The following HDAC4 variants were observed in gnomAD, a reference collection of about 807,000 sequenced individuals.
The protein encoded by HDAC4 is histone deacetylase 4, also known as histone deacetylase A.
Under a neutral mutation model 135.1 loss-of-function variants are expected in HDAC4, and 16 were observed. The ratio of observed to expected loss-of-function variants is 0.12; its 90% confidence interval spans 0.08 to 0.18. The LOEUF is 0.18. Ranked by LOEUF, HDAC4 falls within the 10% of genes least tolerant of loss-of-function variation. The pLI, the probability that HDAC4 is intolerant of heterozygous loss-of-function variation, is 1.00. For missense variants in HDAC4, 1,143 were observed against 1,511.8 expected (o/e 0.76, Z 4.05); for synonymous variants, 685 against 653.4 (o/e 1.05, Z -0.74).
At chr2:239,218,216 AGGACTGAAC>A (rs2046751777) in intron 3 of HDAC4, among the ~76,000 whole-genome samples, 2 of 152,238 alleles carry the variant, frequency 1.3e-5, no homozygotes, top group Non-Finnish European at 2.9e-5. Flanking sequence ...GATAAAAAAC[AGGACTGAAC>A]AATCATTATA....
chr2:239,293,418 G>A (rs929692719), intron 2 of HDAC4, among the ~76,000 whole-genome samples: 2 of 152,142 alleles, frequency 1.3e-5, no homozygotes, highest in Admixed American at 6.5e-5. Flanking sequence ...AACCCTATTT[G>A]AGAAGGGCCC....
At chr2:239,301,523 C>T (rs1183500434) in intron 2 of HDAC4, among the ~76,000 whole-genome samples, 1 of 151,494 alleles carries the variant, frequency 6.6e-6, no homozygotes, top group African/African-American at 2.4e-5. Context: ...CCCTCTGTCA[C>T]CCAGGCTGGA....
chr2:239,053,634 G>A, intron 25 of HDAC4, 33 bp from the exon 26 acceptor site: 1 of 1,607,276 alleles, frequency 6.2e-7, no homozygotes, highest in Non-Finnish European at 8.5e-7. Context: ...GTCGCTCAGT[G>A]ACTACAACTT....
rs745317030 is a variant in HDAC4, at chr2:239,054,762, G to A, written c.3075C>T (p.Val1025=). Residue 1025 remains valine, a synonymous_variant, in exon 25 of 27, where the codon GTC becomes GTT. Coordinates refer to ENST00000543185, the MANE Select transcript of HDAC4 (RefSeq NM_001378414.1). ...CAGGCAACTTACTGTGGATCTCCAT[G>A]ACTTTCTCCATGGAACGGACAGCGT... The part of the protein sequence containing the change: ...NANAVRSMEK[V]MEIHSKYWRC... 6.2e-7 allele frequency: 1 copy of A among 1,612,112 alleles called. No individual in the cohort carries two copies. Among genetic ancestry groups the A allele is most frequent in the Non-Finnish European group, 8.5e-7 (1 of 1,178,220 alleles).
chr2:239,056,297 T>C (rs1235914952), intron 24 of HDAC4, among the ~76,000 whole-genome samples: 1 of 152,182 alleles, frequency 6.6e-6, no homozygotes, highest in Non-Finnish European at 1.5e-5. Flanking sequence ...CCCAATCCCA[T>C]TCTCCAATGA....
At chr2:239,218,289 A>C (rs930647876) in intron 3 of HDAC4, among the ~76,000 whole-genome samples, 42 of 152,112 alleles carry the variant, frequency 2.8e-4, no homozygotes, top group African/African-American at 9.9e-4. Flanking sequence ...AATGGAACAG[A>C]ACAGAGCCCT....
rs746949502 is a variant in HDAC4, at chr2:239,054,755, T to A, written c.3082A>T (p.Ile1028Phe). 31 of 1,609,052 alleles carry A rather than the reference T, an allele frequency of 1.9e-5. No homozygotes were observed. Among genetic ancestry groups the A allele is most frequent in the Non-Finnish European group, 2.6e-5 (31 of 1,175,570 alleles). ...ACCCAGCCAGGCAACTTACTGTGGA[T>A]CTCCATGACTTTCTCCATGGAACGG... Reference protein sequence around the residue: ...AVRSMEKVMEIHSKYWRCLQR... With the variant: ...AVRSMEKVMEFHSKYWRCLQR... Residue 1028 changes from isoleucine to phenylalanine, a missense_variant, in exon 25 of 27, where the codon ATC (isoleucine) becomes TTC (phenylalanine). Physicochemically the swap from Ile to Phe is conservative, Grantham distance 21. Transcript: ENST00000543185.
At chr2:239,214,518 G>T (rs571829399) in intron 3 of HDAC4, among the ~76,000 whole-genome samples, 1 of 152,104 alleles carries the variant, frequency 6.6e-6, no homozygotes, top group African/African-American at 2.4e-5. Context: ...TCTGTCAACC[G>T]CACTCTGGCT....
chr2:239,210,018 G>A (rs1005712402), intron 3 of HDAC4, among the ~76,000 whole-genome samples: 10 of 152,136 alleles, frequency 6.6e-5, no homozygotes, highest in Admixed American at 2.0e-4. Context: ...TGAATGAGAC[G>A]GGGCCTTCTA....
At chr2:239,059,838 C>T (rs1451454286) in intron 24 of HDAC4, among the ~76,000 whole-genome samples, 1 of 151,818 alleles carries the variant, frequency 6.6e-6, no homozygotes, top group African/African-American at 2.4e-5. Flanking sequence ...CACCAGCCTG[C>T]AGGACAGTCC....
intron 2 of HDAC4, among the ~76,000 whole-genome samples, chr2:239,242,605 C>T (rs1302833157): frequency 1.3e-5 from 2 of 152,158 alleles, no homozygotes; most frequent in Non-Finnish European, 2.9e-5. Context: ...CAGTTGTTTC[C>T]ACCTTCCAGA....
At chr2:239,279,878 T>C (rs982173383) in intron 2 of HDAC4, among the ~76,000 whole-genome samples, 2 of 152,186 alleles carry the variant, frequency 1.3e-5, no homozygotes, top group Non-Finnish European at 2.9e-5. Flanking sequence ...CCTTCCCTAA[T>C]GTTTCCAAAG....
intron 2 of HDAC4, among the ~76,000 whole-genome samples, chr2:239,282,688 C>A (rs2050868887): frequency 7.1e-6 from 1 of 141,350 alleles, no homozygotes; most frequent in Non-Finnish European, 1.5e-5. Flanking sequence ...CACCACTCTA[C>A]AATGTACACA....
At chr2:239,264,011 T>A (rs1348307606) in intron 2 of HDAC4, among the ~76,000 whole-genome samples, 1 of 151,942 alleles carries the variant, frequency 6.6e-6, no homozygotes, top group Non-Finnish European at 1.5e-5. Flanking sequence ...ACACAGGACC[T>A]TTGGGGTGGG....
intron 7 of HDAC4, 68 bp downstream of exon 7, chr2:239,156,584 C>A (rs1363000021): frequency 4.4e-6 from 7 of 1,605,930 alleles, no homozygotes; most frequent in African/African-American, 1.3e-5. Flanking sequence ...GTGGGCCCTG[C>A]GTGGCTTGTG....
chr2:239,311,149 A>T (rs1275135021), intron 2 of HDAC4, among the ~76,000 whole-genome samples: 1 of 152,134 alleles, frequency 6.6e-6, no homozygotes, highest in Non-Finnish European at 1.5e-5. Flanking sequence ...GCTCCACTTT[A>T]CAACCCCGCA....
chr2:239,075,089 T>C (rs1424977589), intron 22 of HDAC4, among the ~76,000 whole-genome samples: 1 of 151,694 alleles, frequency 6.6e-6, no homozygotes, highest in East Asian at 1.9e-4. Flanking sequence ...CTGGGCGTGG[T>C]GGCGGGTGCC....
chr2:239,302,590 C>T (rs963517980), intron 2 of HDAC4, among the ~76,000 whole-genome samples: 2 of 152,242 alleles, frequency 1.3e-5, no homozygotes, highest in African/African-American at 4.8e-5. Context: ...CCTCTTCCAG[C>T]GACACAGTGG....
At chr2:239,116,423 A>G (rs2039139263) in intron 12 of HDAC4, among the ~76,000 whole-genome samples, 1 of 152,084 alleles carries the variant, frequency 6.6e-6, no homozygotes, top group Admixed American at 6.5e-5. Context: ...CAAGCTCCCA[A>G]TTCTGTCCGC....
Sources: gnomAD v4.1 joint callset for allele counts (sites outside exome capture counted in the v4.1 genomes callset) on GRCh38, gnomAD v4.1.1 for gene constraint, MANE v1.5 for transcripts, NCBI Gene and HGNC (gene_info 2026-07-23, HGNC 2026-07-21) for gene names.